The following PRH1 variants were observed in gnomAD, a reference collection of about 807,000 sequenced individuals.
The protein encoded by PRH1 is salivary acidic proline-rich phosphoprotein 1/2.
A neutral mutation model predicts 7.9 loss-of-function variants in PRH1; 7 were observed. The ratio of observed to expected loss-of-function variants is 0.89; its 90% CI spans 0.50 to 1.67. The LOEUF (loss-of-function observed/expected upper bound fraction) is 1.67. Ranked by LOEUF, PRH1 falls within the 40% of genes most tolerant of loss-of-function variation. The pLI, the probability that PRH1 is intolerant of heterozygous loss-of-function variation, is 0.00. For missense variants in PRH1, 109 were observed against 223.6 expected (o/e 0.49, Z 3.27); for synonymous variants, 45 against 80.8 (o/e 0.56, Z 2.38).
rs1274017303 is a variant in PRH1, at chr12:11,168,318, AGGAAGGAAGGAAGGAAGGAAGGAAGG to A, written n.39+3078_39+3103del. ...AAAGAAAGAAGGAAGGAAGGAAGGAAGGAAGGAAGGAAGGAAGGAAGGAAGGGAAAGAAAGGAAAGAAAAGAAAGAA... is the reference window on the plus strand; with the variant it reads ...AAAGAAAGAAGGAAGGAAGGAAGGAAGAAAGAAAGGAAAGAAAAGAAAGAA... On this transcript the variant is annotated intron_variant and non_coding_transcript_variant, in intron 1 of 1. Transcript: ENST00000541175. Among the ~76,000 whole-genome samples, 223 of 79,886 alleles carry A rather than the reference AGGAAGGAAGGAAGGAAGGAAGGAAGG, an allele frequency of 2.8e-3. 32 individuals carry two copies. The highest frequency in any genetic ancestry group is 5.1e-3 in the Non-Finnish European group (170 of 33,518). The allele number at this position is 79,886 out of a possible 152,430, so 52.4% of individuals were successfully genotyped here.
Position 10,961,241 on chromosome 12 carries a change from C to T in PRH1, c.-59+12414G>A, listed in dbSNP as rs551030992. ...ATTCCCTCTTCAGCAGAGGAGTGCC[C>T]TCTGTCTCAAAAACAAAACAGCAGT... On this transcript the variant is annotated intron_variant, in intron 2 of 3. Coordinates refer to the PRH1 transcript ENST00000539853. 5.6e-5 allele frequency among the ~76,000 whole-genome samples: 8 copies of T among 143,806 alleles called. No individual in the cohort carries two copies. The South Asian group carries it at 1.7e-3, about 30-fold the overall frequency. 94.3% of individuals were successfully genotyped at this position (143,806 alleles called of 152,430 possible). A position where few individuals can be genotyped will look rare whatever the true frequency, so the allele number is the denominator to read the frequency against.
At chr12:11,146,999 C>T (rs1324474021) in intron 1 of PRH1, among the ~76,000 whole-genome samples, 1 of 152,114 alleles carries the variant, frequency 6.6e-6, no homozygotes, top group Non-Finnish European at 1.5e-5. Context: ...CAGTAAAGAA[C>T]TTACCTCCTT....
In PRH1 at chr12:11,085,479, G is replaced by A. The variant is rs574985900; in HGVS notation, n.124-38291C>T. Among the ~76,000 whole-genome samples, 10 of 117,802 alleles carry A rather than the reference G, an allele frequency of 8.5e-5. 1 individual carries two copies. Among genetic ancestry groups the A allele is most frequent in the African/African-American group, 2.9e-4 (10 of 35,050 alleles). The allele number at this position is 117,802 out of a possible 152,430, so 77.3% of individuals were successfully genotyped here. A position where few individuals can be genotyped will look rare whatever the true frequency, so the allele number is the denominator to read the frequency against. On this transcript the variant is annotated intron_variant and non_coding_transcript_variant, in intron 1 of 4. Coordinates refer to the PRH1 transcript ENST00000541977. ...GGCAGGCCTAATATCAAGGCCTAAT[G>A]GACAAGATTCCCTTTAAGGTCCTGA...
At chr12:11,012,581 T>C (rs1258282641) in intron 1 of PRH1, among the ~76,000 whole-genome samples, 2 of 152,144 alleles carry the variant, frequency 1.3e-5, no homozygotes, top group African/African-American at 4.8e-5. Context: ...CTTTTTTGTT[T>C]TGAGAAAGGA....
chr12:10,969,702 C>A (rs751501103), intron 2 of PRH1, among the ~76,000 whole-genome samples: 1 of 152,006 alleles, frequency 6.6e-6, no homozygotes, highest in African/African-American at 2.4e-5. Flanking sequence ...TTATACAGTA[C>A]GTAAAATTTA....
intron 2 of PRH1, among the ~76,000 whole-genome samples, chr12:10,911,015 G>T (rs1280726895): frequency 6.6e-6 from 1 of 152,126 alleles, no homozygotes; most frequent in Non-Finnish European, 1.5e-5. Context: ...TGTCAAGATA[G>T]AATAGAAAAT....
At chr12:11,005,300 A>G (rs761569015) in intron 1 of PRH1, among the ~76,000 whole-genome samples, 3 of 152,172 alleles carry the variant, frequency 2.0e-5, no homozygotes, top group Non-Finnish European at 4.4e-5. Context: ...ATAAAGACAT[A>G]TTCTGTTTCC....
intron 1 of PRH1, among the ~76,000 whole-genome samples, chr12:11,042,069 T>C (rs1459578004): frequency 6.6e-6 from 1 of 151,806 alleles, no homozygotes; most frequent in East Asian, 1.9e-4. Context: ...CTTAAAGAAC[T>C]AGAAAAACAA....
chr12:11,111,539 C>T (rs747641211), intron 1 of PRH1, among the ~76,000 whole-genome samples: 6 of 152,166 alleles, frequency 3.9e-5, no homozygotes, highest in Admixed American at 1.3e-4. Context: ...GAACAACTTG[C>T]TCTTGAATGA....
intron 1 of PRH1, among the ~76,000 whole-genome samples, chr12:11,003,314 A>C (rs1940680311): frequency 1.3e-5 from 2 of 151,920 alleles, no homozygotes; most frequent in African/African-American, 2.4e-5. Context: ...TTATTCGGGA[A>C]CCTAACATAT....
upstream of PRH1, among the ~76,000 whole-genome samples, chr12:11,050,667 A>C (rs1207041977): frequency 6.6e-6 from 1 of 152,276 alleles, no homozygotes; most frequent in Non-Finnish European, 1.5e-5. Flanking sequence ...GCAATTTTGC[A>C]AATATTTCTA....
chr12:11,101,932 C>T (rs1318129271), intron 1 of PRH1, among the ~76,000 whole-genome samples: 1 of 152,052 alleles, frequency 6.6e-6, no homozygotes, highest in African/African-American at 2.4e-5. Flanking sequence ...CATGAGTGAA[C>T]TCCCATTCAC....
intron 1 of PRH1, among the ~76,000 whole-genome samples, chr12:11,160,469 GTTTGTTTGTTTGTTTT>G (rs1413653493): frequency 1.7e-5 from 2 of 117,636 alleles, no homozygotes; most frequent in African/African-American, 5.7e-5. Flanking sequence ...TTGTTTGTTT[GTTTGTTTGTTTGTTTT>G]TTTGAGACAG....
chr12:10,896,242 T>C (rs977718633), intron 2 of PRH1, among the ~76,000 whole-genome samples: 1 of 152,190 alleles, frequency 6.6e-6, no homozygotes, highest in Non-Finnish European at 1.5e-5. Flanking sequence ...TGCCATCTTT[T>C]GCTTAAAGGT....
In PRH1 at chr12:11,032,418, C is replaced by G. The variant is rs139872685; in HGVS notation, c.-126+14602G>C. Reference sequence around the variant, plus strand: ...CTCAGATTTTCTTGAGAACCACAGGCAGGCCACTACTCCATAAGATCTGGT... The same window carrying G: ...CTCAGATTTTCTTGAGAACCACAGGGAGGCCACTACTCCATAAGATCTGGT... On this transcript the variant is annotated intron_variant, in intron 1 of 3. Coordinates refer to the PRH1 transcript ENST00000539853. 4.3e-3 allele frequency among the ~76,000 whole-genome samples: 657 copies of G among 152,322 alleles called. 5 individuals carry two copies. The highest frequency in any genetic ancestry group is 0.015 in the African/African-American group (635 of 41,572).
At chr12:10,906,234 T>G (rs1039899215) in intron 2 of PRH1, among the ~76,000 whole-genome samples, 10 of 152,248 alleles carry the variant, frequency 6.6e-5, no homozygotes, top group Non-Finnish European at 1.5e-4. Context: ...GAAATTAGGC[T>G]TTCTGTCCTT....
intron 2 of PRH1, among the ~76,000 whole-genome samples, chr12:10,931,450 A>G (rs1248687662): frequency 6.6e-6 from 1 of 152,208 alleles, no homozygotes; most frequent in African/African-American, 2.4e-5. Context: ...GCCTCACACT[A>G]GCATTTCAAG....
chr12:11,133,031 A>G (rs1350984672), intron 1 of PRH1: 2 of 403,936 alleles, frequency 5.0e-6, no homozygotes, highest in Non-Finnish European at 8.6e-6. Flanking sequence ...TTCATAATTG[A>G]GGAATTTTTG....
intron 1 of PRH1, chr12:11,134,010 C>G (rs1458859208): frequency 6.2e-7 from 1 of 1,613,974 alleles, no homozygotes; most frequent in African/African-American, 1.3e-5. Context: ...ATTCTTACTT[C>G]TACACTATAA....
Sources: gnomAD v4.1 joint callset for allele counts (sites outside exome capture counted in the v4.1 genomes callset) on GRCh38, gnomAD v4.1.1 for gene constraint, MANE v1.5 for transcripts, NCBI Gene and HGNC (gene_info 2026-07-23, HGNC 2026-07-21) for gene names.